TRIM65: variants seen among roughly 807,000 people sequenced by gnomAD.
The protein encoded by TRIM65 is E3 ubiquitin-protein ligase TRIM65.
Under a neutral mutation model 36.1 loss-of-function variants are expected in TRIM65, and 46 were observed. The observed-to-expected ratio is 1.27, with a 90% confidence interval of 1.01 to 1.63. The LOEUF (loss-of-function observed/expected upper bound fraction) is 1.63, where lower values mean the gene tolerates loss of function less well. TRIM65 is among the 40% of genes most tolerant of loss of function. The pLI is 0.00. For missense variants in TRIM65, 708 were observed against 696.6 expected, an observed-to-expected ratio of 1.02 and a Z score of -0.18; for synonymous variants, 346 against 313.6, an observed-to-expected ratio of 1.10 and a Z score of -1.09.
chr17:75,882,437 G>T (rs1297185336), intron 4 of TRIM65, among the ~76,000 whole-genome samples: 1 of 150,644 alleles, frequency 6.6e-6, no homozygotes, highest in Admixed American at 6.6e-5. Context: ...TCAAACCCCT[G>T]ACCTCAGGTG....
chr17:75,892,934 G>A (rs2065294300), intron 1 of TRIM65, 84 bp from the exon 2 acceptor site: 2 of 1,243,302 alleles, frequency 1.6e-6, no homozygotes, highest in South Asian at 1.3e-5. Flanking sequence ...AACCATGCCT[G>A]CAGACACCAG....
At position 75,889,709 on chromosome 17, in the gene TRIM65, A is replaced by T. The variant is rs1053796622; in HGVS notation, c.*1070T>A. 3 of 152,130 alleles carry T rather than the reference A, an allele frequency of 2.0e-5. No homozygotes were observed. In the East Asian group the frequency reaches 5.8e-4, roughly 29 times the overall value. The allele number at this position is 152,130 out of a possible 1,614,324, so 9.4% of individuals were successfully genotyped here. ...TGGCCTTTTGTATAAAAAAATCTTC[A>T]AGTGCTCATTGTTCCCTGAGTGACT... On this transcript the variant is annotated 3_prime_UTR_variant, in exon 6 of 6. Coordinates refer to ENST00000269383, the MANE Select transcript of TRIM65 (RefSeq NM_173547.4).
Position 75,889,515 on chromosome 17 carries a change from C to T in TRIM65, c.*1264G>A, listed in dbSNP as rs575529132. 72 of 152,192 alleles carry T rather than the reference C, an allele frequency of 4.7e-4. No individual in the cohort carries two copies. The highest frequency in any genetic ancestry group is 1.7e-3 in the African/African-American group (70 of 41,452). The allele number at this position is 152,192 out of a possible 1,614,324, so 9.4% of individuals were successfully genotyped here. On this transcript the variant is annotated 3_prime_UTR_variant, in exon 6 of 6. Coordinates refer to ENST00000269383, the MANE Select transcript of TRIM65 (RefSeq NM_173547.4). ...CAGCTTGCTCTGCAATGGCAAACAC[C>T]ACACCAAACCAGGAGGAGCTAGCCT...
At chr17:75,894,042 C>T (rs550710576) in intron 1 of TRIM65, among the ~76,000 whole-genome samples, 199 of 152,186 alleles carry the variant, frequency 1.3e-3, no homozygotes, top group Non-Finnish European at 2.2e-3. Flanking sequence ...TCATCTCAGC[C>T]GCTCCTGTGA....
At chr17:75,896,404 G>A (rs773428131) in intron 1 of TRIM65, 120 bp downstream of exon 1, 2 of 1,218,216 alleles carry the variant, frequency 1.6e-6, no homozygotes, top group African/African-American at 1.6e-5. Context: ...GCCCCTTACA[G>A]ATGAGGCTCC....
At position 75,892,090 on chromosome 17, in the gene TRIM65, T is replaced by C; in HGVS notation, c.840A>G (p.Leu280=). 6.4e-7 allele frequency: 1 copy of C among 1,553,388 alleles called. No homozygotes were observed. Among genetic ancestry groups the C allele is most frequent in the East Asian group, 2.4e-5 (1 of 41,040 alleles). ...DQQLGDLKQL[L]SRLCGLLLEE... is the part of the protein sequence containing the mutation. ...CCAAGAGGAGGCCACACAGCCGGCTTAGCAACTGCTTCAGGTCACCCAGCT... is the reference window on the plus strand; with the variant it reads ...CCAAGAGGAGGCCACACAGCCGGCTCAGCAACTGCTTCAGGTCACCCAGCT... Residue 280 remains leucine (L), a synonymous_variant, in exon 4 of 6, where the codon CTA becomes CTG. Transcript: ENST00000269383.
downstream of TRIM65, among the ~76,000 whole-genome samples, chr17:75,885,129 T>A (rs1474500432): frequency 6.6e-6 from 1 of 151,768 alleles, no homozygotes; most frequent in East Asian, 1.9e-4. Context: ...GGTTTCACCA[T>A]ATTGGCCAGG....
At chr17:75,895,191 CCTG>C (rs1323590813) in intron 1 of TRIM65, among the ~76,000 whole-genome samples, 1 of 152,166 alleles carries the variant, frequency 6.6e-6, no homozygotes, top group Non-Finnish European at 1.5e-5. Flanking sequence ...TCCCCTCTGG[CCTG>C]CTTTCGCCTC....
In TRIM65 at chr17:75,896,742, G is replaced by A. The variant is rs1203726950; in HGVS notation, c.196C>T (p.Leu66Phe). 1.4e-5 allele frequency: 20 copies of A among 1,477,554 alleles called. No individual in the cohort carries two copies. The highest frequency in any genetic ancestry group is 2.3e-5 in the Admixed American group (1 of 43,462). The allele number at this position is 1,477,554 out of a possible 1,614,324, so 91.5% of individuals were successfully genotyped here. Reference protein sequence around the residue: ...DGAELRRNVALSGVLEVVRAG... With the variant: ...DGAELRRNVAFSGVLEVVRAG... ...CGCACCACCTCCAGCACGCCGCTGA[G>A]GGCCACGTTGCGGCGCAGCTCGGCG... The change falls in exon 1 of 6, where the codon CTC (leucine) becomes TTC (phenylalanine). Residue 66 changes from leucine (L) to phenylalanine (F), a missense_variant. Coordinates refer to ENST00000269383, the MANE Select transcript of TRIM65 (RefSeq NM_173547.4).
intron 1 of TRIM65, 71 bp from the exon 2 acceptor site, chr17:75,892,921 ACCAAC>A (rs1242037393): frequency 2.9e-6 from 4 of 1,398,596 alleles, no homozygotes; most frequent in Non-Finnish European, 3.0e-6. Flanking sequence ...TTCTCAGACA[ACCAAC>A]CATGCCTGCA....
Position 75,891,289 on chromosome 17 carries a change from G to T in TRIM65, c.1044C>A (p.Arg348=), listed in dbSNP as rs771945294. 6.2e-7 allele frequency: 1 copy of T among 1,613,284 alleles called. No individual in the cohort carries two copies. Among genetic ancestry groups the T allele is most frequent in the African/African-American group, 1.3e-5 (1 of 75,074 alleles). The stretch of plus-strand genomic sequence containing the variant: ...GACAGTGCTTCACCTGCTGGTCCTG[G>T]CGCGACAGATAGAAGTGACGGTTGG... ...VSANRHFYLS[R]QDQQVKHCRQ... is the part of the protein sequence containing the mutation. Residue 348 remains arginine (R), a synonymous_variant, in exon 6 of 6, where the codon CGC becomes CGA. Transcript: ENST00000269383.
At position 75,891,348 on chromosome 17, in the gene TRIM65, C is replaced by T. The variant is rs1181360189; in HGVS notation, c.986-1G>A. On this transcript the variant is annotated splice_acceptor_variant, in intron 5 of 5. Coordinates refer to ENST00000269383, the MANE Select transcript of TRIM65 (RefSeq NM_173547.4). LOFTEE classifies it high-confidence loss of function. ...GGATCAAAGGTCAGATTGCGATAAT[C>T]TGTTGGGGAAAGGAGGACAGCAGTG... The T allele has an allele frequency of 6.2e-7, 1 of 1,613,212 alleles. No homozygotes were observed. The highest frequency in any genetic ancestry group is 2.2e-5 in the East Asian group (1 of 44,870).
rs546860864 is a variant in TRIM65, at chr17:75,896,592, C to A, written c.346G>T (p.Val116Leu). Residue 116 changes from valine (V) to leucine (L), a missense_variant, in exon 1 of 6, where the codon GTG becomes TTG. Physicochemically the swap from Val to Leu is conservative, Grantham distance 32. Coordinates refer to ENST00000269383, the MANE Select transcript of TRIM65 (RefSeq NM_173547.4). ...CRTEGRCVCS[V>L]CTVRECRLHE... Reference sequence around the variant, plus strand: ...AGGCGACACTCGCGCACGGTGCACACGCTGCACACACAGCGGCCCTCGGTC... The same window carrying A: ...AGGCGACACTCGCGCACGGTGCACAAGCTGCACACACAGCGGCCCTCGGTC... 13 of 1,300,894 alleles carry A rather than the reference C, an allele frequency of 1.0e-5. No homozygotes were observed. The highest frequency in any genetic ancestry group is 2.9e-4 in the Middle Eastern group (1 of 3,478). The allele number at this position is 1,300,894 out of a possible 1,614,324, so 80.6% of individuals were successfully genotyped here. A position where few individuals can be genotyped will look rare whatever the true frequency, so the allele number is the denominator to read the frequency against.
In TRIM65 at chr17:75,890,829, G is replaced by T; in HGVS notation, c.1504C>A (p.Gln502Lys). Reference sequence around the variant, plus strand: ...CCCAGAGGGAACACAGCCCCTGGCTGATGGCACAGGGTCAGGGTCCTACCC... The same window carrying T: ...CCCAGAGGGAACACAGCCCCTGGCTTATGGCACAGGGTCAGGGTCCTACCC... ...LEGRTLTLCH[Q>K]PGAVFPLGPQ... The change falls in exon 6 of 6, where the codon CAG (glutamine) becomes AAG (lysine). Residue 502 changes from glutamine (Q) to lysine (K), a missense_variant. Transcript: ENST00000269383. 6.6e-7 allele frequency: 1 copy of T among 1,518,038 alleles called. No homozygotes were observed. The highest frequency in any genetic ancestry group is 2.4e-5 in the East Asian group (1 of 41,904). The allele number at this position is 1,518,038 out of a possible 1,614,324, so 94.0% of individuals were successfully genotyped here.
intron 4 of TRIM65, among the ~76,000 whole-genome samples, chr17:75,883,094 C>T (rs1181573931): frequency 6.7e-6 from 1 of 149,188 alleles, no homozygotes; most frequent in Non-Finnish European, 1.5e-5. Flanking sequence ...ACACCATGTC[C>T]CTAACAGCAC....
At chr17:75,891,966 C>T in intron 4 of TRIM65, 45 bp downstream of exon 4, 1 of 1,555,518 alleles carries the variant, frequency 6.4e-7, no homozygotes, top group Non-Finnish European at 8.7e-7. Flanking sequence ...GCGGGAGGGG[C>T]AGCTGGACCC....
At chr17:75,891,732 C>T in intron 5 of TRIM65, 81 bp downstream of exon 5, 1 of 993,058 alleles carries the variant, frequency 1.0e-6, no homozygotes. Flanking sequence ...AACATGCACA[C>T]ACACACGTGC....
At chr17:75,894,199 C>T (rs775470721) in intron 1 of TRIM65, among the ~76,000 whole-genome samples, 1 of 152,158 alleles carries the variant, frequency 6.6e-6, no homozygotes. Context: ...GTGCACTCTC[C>T]CATCCCTCCC....
In TRIM65 at chr17:75,892,444, C is replaced by T. The variant is rs760859033; in HGVS notation, c.567G>A (p.Gln189=). 2 of 1,614,140 alleles carry T rather than the reference C, an allele frequency of 1.2e-6. No individual in the cohort carries two copies. Among genetic ancestry groups the T allele is most frequent in the Non-Finnish European group, 1.7e-6 (2 of 1,180,010 alleles). Residue 189 remains glutamine (Q), a synonymous_variant, in exon 3 of 6, where the codon CAG becomes CAA. Coordinates refer to ENST00000269383, the MANE Select transcript of TRIM65 (RefSeq NM_173547.4). ...WVSGKFSSLL[Q]ALEIQHTTAL... ...CTGTCGTGTGCTGTATTTCCAGGGC[C>T]TGTAGCAGGCTGCTGAACTTGCCGG... is the stretch of plus-strand genomic sequence containing the variant.
Sources: gnomAD v4.1 joint callset for allele counts (sites outside exome capture counted in the v4.1 genomes callset) on GRCh38, gnomAD v4.1.1 for gene constraint, MANE v1.5 for transcripts, NCBI Gene and HGNC (gene_info 2026-07-23, HGNC 2026-07-21) for gene names.